ROBO2: variants seen among roughly 807,000 people sequenced by gnomAD.
ROBO2 encodes roundabout guidance receptor 2, also known as roundabout homolog 2.
ROBO2 carries 53 observed loss-of-function variants against 160.8 expected under a neutral mutation model. The observed-to-expected ratio is 0.33, with a 90% CI of 0.26 to 0.41. The LOEUF (loss-of-function observed/expected upper bound fraction) is 0.41, where lower values mean the gene tolerates loss of function less well. Ranked by LOEUF, ROBO2 falls within the 10% of genes least tolerant of loss-of-function variation. The pLI is 1.00. For missense variants in ROBO2, 1,577 were observed against 1,722.4 expected (o/e 0.92, Z 1.49); for synonymous variants, 664 against 611.7 (o/e 1.09, Z -1.26).
chr3:77,298,774 G>T (rs996678898), intron 2 of ROBO2, among the ~76,000 whole-genome samples: 2 of 152,116 alleles, frequency 1.3e-5, no homozygotes, highest in African/African-American at 4.8e-5. Flanking sequence ...ATTCATCTGT[G>T]CCTCCTGTGT....
At chr3:76,308,362 G>A (rs1173517003) in intron 2 of ROBO2, among the ~76,000 whole-genome samples, 4 of 118,206 alleles carry the variant, frequency 3.4e-5, no homozygotes, top group Admixed American at 3.1e-4. Flanking sequence ...GGGTGACAGC[G>A]TGAGACTCTG....
chr3:76,409,982 A>C (rs956862872), intron 2 of ROBO2, among the ~76,000 whole-genome samples: 5 of 152,118 alleles, frequency 3.3e-5, no homozygotes, highest in African/African-American at 1.2e-4. Context: ...AATTTCTGAG[A>C]GGAGTCTGTT....
chr3:76,319,482 T>C (rs189222947), intron 2 of ROBO2, among the ~76,000 whole-genome samples: 12 of 152,224 alleles, frequency 7.9e-5, no homozygotes, highest in Admixed American at 7.9e-4. Context: ...TCCCTTTAGC[T>C]GGTGTCTTCA....
chr3:77,642,327 T>C (rs1036301386), intron 24 of ROBO2, among the ~76,000 whole-genome samples: 4 of 152,184 alleles, frequency 2.6e-5, no homozygotes, highest in Admixed American at 6.5e-5. Context: ...TTTTGTGTCA[T>C]GGTATTTCTA....
At chr3:77,614,100 C>T (rs978292291) in intron 21 of ROBO2, among the ~76,000 whole-genome samples, 9 of 152,234 alleles carry the variant, frequency 5.9e-5, no homozygotes, top group South Asian at 2.1e-4. Flanking sequence ...AGGTAGATTG[C>T]GGCTTAGACA....
intron 2 of ROBO2, among the ~76,000 whole-genome samples, chr3:76,412,065 C>T (rs1312753618): frequency 6.6e-6 from 1 of 152,126 alleles, no homozygotes; most frequent in Admixed American, 6.5e-5. Flanking sequence ...GCCTCAGAAT[C>T]ATGGCAGGAA....
intron 2 of ROBO2, among the ~76,000 whole-genome samples, chr3:77,275,776 C>A (rs1214559385): frequency 2.6e-5 from 4 of 152,036 alleles, no homozygotes; most frequent in Non-Finnish European, 5.9e-5. Flanking sequence ...TCTCCAGGAC[C>A]ACAGTTTGGT....
At chr3:76,752,647 A>G (rs1199369076) in intron 2 of ROBO2, among the ~76,000 whole-genome samples, 1 of 151,834 alleles carries the variant, frequency 6.6e-6, no homozygotes, top group Non-Finnish European at 1.5e-5. Context: ...GACCAGTCCC[A>G]TAAGATCTTC....
intron 2 of ROBO2, among the ~76,000 whole-genome samples, chr3:76,357,893 A>AATAT (rs546122297): frequency 4.2e-4 from 63 of 148,378 alleles, no homozygotes; most frequent in African/African-American, 1.3e-3. Context: ...TAAACTTTAA[A>AATAT]ATATATATAT....
intron 2 of ROBO2, among the ~76,000 whole-genome samples, chr3:77,364,949 A>T (rs1447155305): frequency 6.6e-6 from 1 of 152,084 alleles, no homozygotes; most frequent in Non-Finnish European, 1.5e-5. Flanking sequence ...GTTCGAGACC[A>T]GCCTGGCCAA....
chr3:77,040,816 C>G, exon 1 of ROBO2: 1 of 1,614,058 alleles, frequency 6.2e-7, no homozygotes, highest in Admixed American at 1.7e-5. Context: ...ACAACTACTG[C>G]TCTGTGGATT....
At chr3:76,140,504 G>A (rs967758521) in intron 2 of ROBO2, among the ~76,000 whole-genome samples, 1 of 151,800 alleles carries the variant, frequency 6.6e-6, no homozygotes, top group Non-Finnish European at 1.5e-5. Flanking sequence ...AAATTGCTGA[G>A]GTTACACTAG....
intron 2 of ROBO2, among the ~76,000 whole-genome samples, chr3:77,010,849 CCTCT>C: frequency 2.1e-5 from 1 of 46,752 alleles, no homozygotes; most frequent in Admixed American, 3.2e-4. Flanking sequence ...TCCCTCCCTC[CCTCT>C]CTCCCTCCCT....
At chr3:76,896,095 G>A (rs115288549) in intron 2 of ROBO2, among the ~76,000 whole-genome samples, 2,425 of 152,108 alleles carry the variant, frequency 0.016, 26 homozygotes, top group African/African-American at 0.026. Flanking sequence ...TGTCTCCTCC[G>A]CCTCTGGCAG....
chr3:77,456,298 T>C (rs1408644066), intron 2 of ROBO2, among the ~76,000 whole-genome samples: 2 of 152,212 alleles, frequency 1.3e-5, no homozygotes, highest in African/African-American at 2.4e-5. Context: ...TTGCTGTCTG[T>C]AATTATTTAT....
At chr3:76,262,258 G>C (rs1392106100) in intron 2 of ROBO2, among the ~76,000 whole-genome samples, 7 of 151,660 alleles carry the variant, frequency 4.6e-5, no homozygotes, top group Non-Finnish European at 1.0e-4. Flanking sequence ...GAAAGAATAT[G>C]AGTATTTGGT....
chr3:77,368,434 A>G (rs1273212641), intron 2 of ROBO2, among the ~76,000 whole-genome samples: 1 of 152,172 alleles, frequency 6.6e-6, no homozygotes, highest in East Asian at 1.9e-4. Context: ...TGTGACATGA[A>G]GTTGAAACAA....
chr3:77,492,041 C>T (rs1320978300), intron 4 of ROBO2, among the ~76,000 whole-genome samples: 1 of 152,032 alleles, frequency 6.6e-6, no homozygotes, highest in African/African-American at 2.4e-5. Context: ...TGAAGGTTTC[C>T]TGCCGAATAC....
chr3:76,692,325 G>C (rs1171590029), intron 2 of ROBO2, among the ~76,000 whole-genome samples: 1 of 152,086 alleles, frequency 6.6e-6, no homozygotes, highest in Admixed American at 6.6e-5. Flanking sequence ...GGTTAGATTG[G>C]ATTAACCCCA....
Sources: gnomAD v4.1 joint callset for allele counts (sites outside exome capture counted in the v4.1 genomes callset) on GRCh38, gnomAD v4.1.1 for gene constraint, MANE v1.5 for transcripts, NCBI Gene and HGNC (gene_info 2026-07-23, HGNC 2026-07-21) for gene names.